The following CLIC5 variants were observed in gnomAD, a reference collection of about 807,000 sequenced individuals.
CLIC5 encodes chloride intracellular channel protein 5.
A neutral mutation model predicts 24.7 loss-of-function variants in CLIC5; 20 were observed. That is an observed-to-expected ratio of 0.81 (90% CI 0.57 to 1.18). CLIC5 has a LOEUF of 1.18. Among genes scored for constraint, CLIC5 ranks in the 50% most tolerant of loss-of-function variants. The probability of loss-of-function intolerance (pLI) is 0.00; values close to 1 mark genes in which losing one functional copy is unlikely to be tolerated. For missense variants in CLIC5, 341 were observed against 326.1 expected (o/e 1.05, Z -0.35); for synonymous variants, 159 against 135.6 (o/e 1.17, Z -1.20).
At chr6:45,882,489 C>T (rs1246560825) in intron 6 of CLIC5, among the ~76,000 whole-genome samples, 4 of 152,212 alleles carry the variant, frequency 2.6e-5, no homozygotes, top group Admixed American at 6.5e-5. Flanking sequence ...TGACTCCAAG[C>T]CTTTCCTCCT....
upstream of CLIC5, among the ~76,000 whole-genome samples, chr6:46,019,648 T>TGCAGTCC (rs1324626688): frequency 6.6e-5 from 9 of 136,386 alleles, no homozygotes; most frequent in East Asian, 1.9e-3. Flanking sequence ...ATTGCGCCAC[T>TGCAGTCC]GCAGTCCGCA....
intron 2 of CLIC5, 45 bp from the exon 3 acceptor site, chr6:45,949,426 T>A (rs1418043616): frequency 1.3e-6 from 2 of 1,591,070 alleles, no homozygotes; most frequent in Admixed American, 3.5e-5. Flanking sequence ...AGCAGGGTGC[T>A]TCCTGTTCTG....
chr6:46,113,025 C>T, the CLIC5 span, among the ~76,000 whole-genome samples: 5 of 152,102 alleles, frequency 3.3e-5, no homozygotes, highest in Admixed American at 3.3e-4. Flanking sequence ...CACTGCATTC[C>T]AGCCTGGGTG....
chr6:46,113,544 T>C, the CLIC5 span, among the ~76,000 whole-genome samples: 1 of 152,128 alleles, frequency 6.6e-6, no homozygotes. Context: ...TGAGCAGTTA[T>C]ATGACACCGG....
intron 1 of CLIC5, among the ~76,000 whole-genome samples, chr6:46,062,117 A>G (rs1223651779): frequency 1.3e-5 from 2 of 152,256 alleles, no homozygotes; most frequent in Non-Finnish European, 2.9e-5. Context: ...ATTCATTTAA[A>G]TTTAAACAGC....
chr6:46,110,809 G>C, the CLIC5 span, among the ~76,000 whole-genome samples: 1 of 152,156 alleles, frequency 6.6e-6, no homozygotes, highest in African/African-American at 2.4e-5. Flanking sequence ...TCTAGTCTTA[G>C]ATTCTTCATG....
chr6:45,916,902 G>C (rs961656624), intron 4 of CLIC5, among the ~76,000 whole-genome samples: 4 of 152,150 alleles, frequency 2.6e-5, no homozygotes, highest in Non-Finnish European at 2.9e-5. Flanking sequence ...AGGAATGTGA[G>C]GGCTGCAGTT....
At chr6:46,065,327 T>C (rs952165067) in intron 1 of CLIC5, among the ~76,000 whole-genome samples, 1 of 149,596 alleles carries the variant, frequency 6.7e-6, no homozygotes, top group Admixed American at 6.8e-5. Flanking sequence ...TGACAGCCAC[T>C]TTGAAAACAA....
chr6:45,886,763 G>A (rs570122423), intron 6 of CLIC5, among the ~76,000 whole-genome samples: 1 of 152,164 alleles, frequency 6.6e-6, no homozygotes, highest in African/African-American at 2.4e-5. Flanking sequence ...TGATGTGTTT[G>A]CCTCCTTGTG....
At chr6:45,993,024 G>A (rs1182338429) in intron 1 of CLIC5, among the ~76,000 whole-genome samples, 1 of 152,136 alleles carries the variant, frequency 6.6e-6, no homozygotes, top group Admixed American at 6.5e-5. Context: ...TTTGAGGAGA[G>A]GTTTCCCATC....
At chr6:46,082,475 C>T (rs1215367539), upstream of CLIC5, among the ~76,000 whole-genome samples, 6 of 152,228 alleles carry the variant, frequency 3.9e-5, no homozygotes, top group Non-Finnish European at 5.9e-5. Flanking sequence ...GTCCTTACAA[C>T]GGCCCACATG....
Position 45,995,395 on chromosome 6 carries a change from G to A in CLIC5, c.63+20085C>T, listed in dbSNP as rs184347327. Among the ~76,000 whole-genome samples the A allele has an allele frequency of 4.3e-4, 66 of 152,342 alleles. No individual in the cohort carries two copies. In the East Asian group the frequency reaches 0.012, roughly 28 times the overall value. ...TTTTTATAACTTGATTTCACTCAGT[G>A]AGAAGCCTTCAATTTGGTAACAGAA... On this transcript the variant is annotated intron_variant, in intron 1 of 5. Coordinates refer to ENST00000339561, the MANE Select transcript of CLIC5 (RefSeq NM_016929.5).
Position 46,064,677 on chromosome 6 carries a change from G to T in CLIC5, c.540+15026C>A, listed in dbSNP as rs79610725. ...AGTGGGGTTTAGCCCAAAAATGCAA[G>T]ATTTGTTTAACATTTGAAAATTAAT... is the stretch of plus-strand genomic sequence containing the variant. On this transcript the variant is annotated intron_variant, in intron 1 of 5. Coordinates refer to the CLIC5 transcript ENST00000185206. Among the ~76,000 whole-genome samples, 918 of 151,962 alleles carry T rather than the reference G, an allele frequency of 6.0e-3. 9 individuals are homozygous for T. Among genetic ancestry groups the T allele is most frequent in the African/African-American group, 0.02 (847 of 41,468 alleles).
intron 1 of CLIC5, among the ~76,000 whole-genome samples, chr6:46,036,615 CAA>C (rs1283237793): frequency 6.6e-6 from 1 of 152,122 alleles, no homozygotes; most frequent in Non-Finnish European, 1.5e-5. Context: ...AGGCCGACTG[CAA>C]AGTCTTTGAG....
At chr6:45,959,565 G>A (rs1176701627) in intron 1 of CLIC5, among the ~76,000 whole-genome samples, 1 of 151,972 alleles carries the variant, frequency 6.6e-6, no homozygotes, top group Non-Finnish European at 1.5e-5. Flanking sequence ...TTGAAACAGA[G>A]TCTTGCTCTG....
intron 1 of CLIC5, among the ~76,000 whole-genome samples, chr6:46,075,317 T>C (rs1487424207): frequency 6.6e-6 from 1 of 152,052 alleles, no homozygotes; most frequent in East Asian, 1.9e-4. Flanking sequence ...CTTGTAATCC[T>C]AGCATTTTGG....
intron 6 of CLIC5, among the ~76,000 whole-genome samples, chr6:45,882,179 C>A (rs780533311): frequency 3.9e-5 from 6 of 152,216 alleles, no homozygotes; most frequent in Non-Finnish European, 8.8e-5. Flanking sequence ...ACCAAAAACA[C>A]CCTGGAACCA....
rs147816908 is a variant in CLIC5 at position 45,949,340 on chromosome 6, G to A, written c.215C>T (p.Pro72Leu). 27 of 1,613,968 alleles carry A rather than the reference G, an allele frequency of 1.7e-5. No homozygotes were observed. Among genetic ancestry groups the A allele is most frequent in the East Asian group, 6.7e-5 (3 of 44,870 alleles). Residue 72 changes from proline (P) to leucine (L), a missense_variant, in exon 3 of 6, where the codon CCG becomes CTG. By Grantham distance (98) the Pro-to-Leu change is moderately conservative. Transcript: ENST00000339561. The part of the protein sequence containing the change: ...DLHNLAPGTH[P>L]PFLTFNGDVK... ...GTCCCCGTTGAAGGTCAGGAAGGGC[G>A]GGTGCGTGCCGGGGGCTAGGTTGTG...
rs763536382 is a variant in CLIC5 at position 46,079,964 on chromosome 6, C to G, written c.279G>C (p.Glu93Asp). 5 of 1,551,674 alleles carry G rather than the reference C, an allele frequency of 3.2e-6. No individual in the cohort carries two copies. In the South Asian group the frequency reaches 5.9e-5, roughly 18 times the overall value. ...CCTCCTGGGGCTCACCTGGATGAGC[C>G]TCCTGGAGTTCAGAGTATATCTCAT... The change falls in exon 1 of 6, where the codon GAG (glutamate) becomes GAC (aspartate). Residue 93 changes from glutamate (E) to aspartate (D), a missense_variant. By Grantham distance (45) the Glu-to-Asp change is conservative. Coordinates refer to the CLIC5 transcript ENST00000185206.
Sources: gnomAD v4.1 joint callset for allele counts (sites outside exome capture counted in the v4.1 genomes callset) on GRCh38, gnomAD v4.1.1 for gene constraint, MANE v1.5 for transcripts, NCBI Gene and HGNC (gene_info 2026-07-23, HGNC 2026-07-21) for gene names.